Variants in NRG3 observed in about 807,000 individuals in gnomAD.
NRG3 encodes the protein neuregulin 3, also known as pro-neuregulin-3, membrane-bound isoform.
A neutral mutation model predicts 66.9 loss-of-function variants in NRG3; 31 were observed. The observed-to-expected ratio is 0.46, with a 90% CI of 0.35 to 0.63. The LOEUF (loss-of-function observed/expected upper bound fraction) is 0.63, where lower values mean the gene tolerates loss of function less well. Among genes scored for constraint, NRG3 ranks in the 20% least tolerant of loss-of-function variants. The probability of loss-of-function intolerance (pLI) is 0.00; values close to 1 mark genes in which losing one functional copy is unlikely to be tolerated. For synonymous variants in NRG3, 393 were observed against 359.4 expected (o/e 1.09, Z -1.06); for missense variants, 910 against 878.9 (o/e 1.04, Z -0.45).
intron 1 of NRG3, among the ~76,000 whole-genome samples, chr10:82,169,503 T>C (rs997864790): frequency 6.6e-6 from 1 of 151,610 alleles, no homozygotes; most frequent in Non-Finnish European, 1.5e-5. Context: ...TTAATTTTTT[T>C]AATTTTTTAT....
chr10:82,408,585 T>C (rs1327141596), intron 2 of NRG3, among the ~76,000 whole-genome samples: 1 of 150,470 alleles, frequency 6.6e-6, no homozygotes, highest in African/African-American at 2.4e-5. Flanking sequence ...CAAGAACATG[T>C]TGACTTTTCT....
At chr10:82,233,044 G>A (rs928315239) in intron 1 of NRG3, 10 of 508,836 alleles carry the variant, frequency 2.0e-5, no homozygotes, top group Non-Finnish European at 3.2e-5. Flanking sequence ...GTTAGTTTGC[G>A]TGCTTCAGGC....
At chr10:82,732,961 C>T (rs940284265) in intron 2 of NRG3, among the ~76,000 whole-genome samples, 1 of 152,122 alleles carries the variant, frequency 6.6e-6, no homozygotes, top group African/African-American at 2.4e-5. Context: ...AATTGGCAGG[C>T]GTGTATATTA....
At chr10:82,493,379 T>C (rs781136786) in intron 2 of NRG3, among the ~76,000 whole-genome samples, 5 of 152,130 alleles carry the variant, frequency 3.3e-5, no homozygotes, top group Non-Finnish European at 7.4e-5. Context: ...GGACATGCGA[T>C]GTTTGGTTTT....
chr10:82,544,321 G>A (rs1357421118), intron 2 of NRG3, among the ~76,000 whole-genome samples: 3 of 152,100 alleles, frequency 2.0e-5, no homozygotes, highest in Non-Finnish European at 4.4e-5. Context: ...TTTTGTTGTT[G>A]TTTTTTGTTT....
chr10:82,002,635 T>G (rs2061217906), intron 1 of NRG3, among the ~76,000 whole-genome samples: 1 of 152,196 alleles, frequency 6.6e-6, no homozygotes, highest in African/African-American at 2.4e-5. Flanking sequence ...CTAGGTCCCA[T>G]GCTTGGCGTA....
chr10:81,994,630 A>G (rs1412086526), intron 1 of NRG3, among the ~76,000 whole-genome samples: 1 of 152,082 alleles, frequency 6.6e-6, no homozygotes, highest in Admixed American at 6.6e-5. Context: ...TTGCTCCTAT[A>G]CATTGTCAAG....
chr10:82,116,293 C>T (rs935632732), intron 1 of NRG3, among the ~76,000 whole-genome samples: 1 of 152,094 alleles, frequency 6.6e-6, no homozygotes, highest in African/African-American at 2.4e-5. Context: ...GGAAGGAGGG[C>T]ATCTTTAATA....
intron 1 of NRG3, among the ~76,000 whole-genome samples, chr10:81,973,524 A>G (rs897840194): frequency 6.6e-6 from 1 of 152,192 alleles, no homozygotes; most frequent in African/African-American, 2.4e-5. Flanking sequence ...CACTCCTACC[A>G]ACAGTGTAAA....
At chr10:82,308,259 G>C (rs140189849) in intron 1 of NRG3, among the ~76,000 whole-genome samples, 7 of 152,032 alleles carry the variant, frequency 4.6e-5, no homozygotes, top group African/African-American at 1.7e-4. Context: ...GCTAAGTATT[G>C]TATTTTTAGT....
intron 3 of NRG3, among the ~76,000 whole-genome samples, chr10:82,857,495 G>A (rs969562078): frequency 1.3e-5 from 2 of 152,118 alleles, no homozygotes; most frequent in Non-Finnish European, 2.9e-5. Flanking sequence ...AAAAGCTGTC[G>A]GTTCTGATGT....
chr10:82,021,783 A>AGTGT (rs1241988836), intron 1 of NRG3, among the ~76,000 whole-genome samples: 91 of 146,536 alleles, frequency 6.2e-4, no homozygotes, highest in African/African-American at 2.2e-3. Flanking sequence ...TTGGGCATGT[A>AGTGT]GTATGTGTGT....
intron 1 of NRG3, among the ~76,000 whole-genome samples, chr10:82,212,603 T>G (rs1332695515): frequency 6.6e-6 from 1 of 152,220 alleles, no homozygotes; most frequent in Non-Finnish European, 1.5e-5. Flanking sequence ...ATATGGTCAT[T>G]GCCCAATACC....
At chr10:82,922,280 A>T (rs774795886) in intron 4 of NRG3, among the ~76,000 whole-genome samples, 4 of 152,106 alleles carry the variant, frequency 2.6e-5, no homozygotes, top group Non-Finnish European at 5.9e-5. Context: ...AGCCCCGTGG[A>T]GGTTTTACTG....
chr10:82,753,211 T>C (rs1359161522), intron 3 of NRG3, among the ~76,000 whole-genome samples: 2 of 152,186 alleles, frequency 1.3e-5, no homozygotes, highest in Non-Finnish European at 2.9e-5. Flanking sequence ...GAATACTAAC[T>C]CATTCATTTT....
intron 1 of NRG3, among the ~76,000 whole-genome samples, chr10:82,328,260 G>A (rs2081970704): frequency 6.6e-6 from 1 of 152,136 alleles, no homozygotes; most frequent in South Asian, 2.1e-4. Context: ...TTTGGACAAG[G>A]GTCTTGTTTG....
intron 2 of NRG3, among the ~76,000 whole-genome samples, chr10:82,618,704 G>C (rs1214094964): frequency 6.6e-6 from 1 of 151,804 alleles, no homozygotes; most frequent in Non-Finnish European, 1.5e-5. Flanking sequence ...TACAGAAATT[G>C]TTAAATAAAC....
At chr10:82,851,983 A>C (rs954231131) in intron 3 of NRG3, among the ~76,000 whole-genome samples, 3 of 151,966 alleles carry the variant, frequency 2.0e-5, no homozygotes. Flanking sequence ...AAAGATATGC[A>C]TTCCAACATT....
At position 82,057,277 on chromosome 10, in the gene NRG3, G is replaced by A. The variant is rs116561750; in HGVS notation, c.823+181114G>A. On this transcript the variant is annotated intron_variant, in intron 1 of 8. Transcript: ENST00000372141. The stretch of plus-strand genomic sequence containing the variant: ...AGTTATTTGGTTCTTTATCAAATAC[G>A]TATGTATAATTTTGTTAGTTCTTTT... Among the ~76,000 whole-genome samples, 445 of 150,436 alleles carry A rather than the reference G, an allele frequency of 3.0e-3. 3 individuals are homozygous for A. Among genetic ancestry groups the A allele is most frequent in the African/African-American group, 9.7e-3 (399 of 41,050 alleles).
Sources: allele counts gnomAD v4.1 joint callset (sites outside exome capture counted in the v4.1 genomes callset), GRCh38; gene constraint gnomAD v4.1.1; transcripts MANE v1.5; gene names NCBI Gene and HGNC (gene_info 2026-07-23, HGNC 2026-07-21).